Variants in NFKBIB observed in about 807,000 individuals in gnomAD.
NFKBIB encodes NFKB inhibitor beta, also known as NF-kappa-B inhibitor beta.
NFKBIB carries 16 observed loss-of-function variants against 32.1 expected under a neutral mutation model. The ratio of observed to expected loss-of-function variants is 0.50; its 90% confidence interval spans 0.34 to 0.76. NFKBIB has a LOEUF of 0.76. Among genes scored for constraint, NFKBIB ranks in the 30% least tolerant of loss-of-function variants. The probability of loss-of-function intolerance (pLI) is 0.01; values close to 1 mark genes in which losing one functional copy is unlikely to be tolerated. For synonymous variants in NFKBIB, 222 were observed against 219.5 expected, an observed-to-expected ratio of 1.01 and a Z score of -0.10; for missense variants, 437 against 514.9, an observed-to-expected ratio of 0.85 and a Z score of 1.46.
Position 38,905,210 on chromosome 19 carries a change from G to T in NFKBIB, c.294G>T (p.Leu98=). 1 of 1,593,686 alleles carries T rather than the reference G, an allele frequency of 6.3e-7. No homozygotes were observed. The highest frequency in any genetic ancestry group is 1.1e-5 in the South Asian group (1 of 87,948). Residue 98 remains leucine (L), a synonymous_variant, in exon 3 of 6, where the codon CTG becomes CTT. Coordinates refer to ENST00000313582, the MANE Select transcript of NFKBIB (RefSeq NM_002503.5). This position sits in a 1 kb window ranked among gnomAD's most constrained non-coding sequence, Gnocchi z 5.5. ...DLQNDLGQTA[L]HLAAILGETS... ...GTCCTCTGCTTCTGCAGACAGCCCT[G>T]CACCTGGCAGCCATCCTGGGGGAGA...
chr19:38,901,157 G>A (rs1218954772), intron 1 of NFKBIB, among the ~76,000 whole-genome samples: 1 of 152,206 alleles, frequency 6.6e-6, no homozygotes, highest in Non-Finnish European at 1.5e-5. Context: ...TGTATGCCCA[G>A]TGATGCAAGC....
chr19:38,907,936 G>T (rs1043903177), intron 5 of NFKBIB: 5 of 1,291,250 alleles, frequency 3.9e-6, no homozygotes, highest in Non-Finnish European at 4.9e-6. Flanking sequence ...GAACACAGCG[G>T]GGGTGGGTGG....
rs201937854 is a variant in NFKBIB at position 38,908,827 on chromosome 19, G to A, written c.1066G>A (p.Val356Met). ...SKPLPDDPRP[V>M] is the part of the protein sequence containing the mutation. ...ACCTCTTCCTGACGACCCCCGCCCC[G>A]TGTGATTTGTTTCATTGTTAATATA... The change falls in exon 6 of 6, where the codon GTG (valine) becomes ATG (methionine). Residue 356 changes from valine (V) to methionine (M), a missense_variant. Transcript: ENST00000313582. 2.1e-5 allele frequency: 34 copies of A among 1,609,006 alleles called. No individual in the cohort carries two copies. The highest frequency in any genetic ancestry group is 1.7e-4 in the Middle Eastern group (1 of 6,060).
At chr19:38,907,126 A>T in intron 3 of NFKBIB, 95 bp from the exon 4 acceptor site, 1 of 1,122,664 alleles carries the variant, frequency 8.9e-7, no homozygotes, top group Non-Finnish European at 1.3e-6. Flanking sequence ...AAACCTAATC[A>T]CCCTCACGCC....
rs1974076907 is a variant in NFKBIB at position 38,905,200 on chromosome 19, A to C, written c.286-2A>C. 6.2e-7 allele frequency: 1 copy of C among 1,600,632 alleles called. No individual in the cohort carries two copies. Among genetic ancestry groups the C allele is most frequent in the Non-Finnish European group, 8.5e-7 (1 of 1,173,024 alleles). ...CCTACCGCCTGTCCTCTGCTTCTGC[A>C]GACAGCCCTGCACCTGGCAGCCATC... On this transcript the variant is annotated splice_acceptor_variant, in intron 2 of 5. Transcript: ENST00000313582. LOFTEE classifies it high-confidence loss of function. This position sits in a 1 kb window ranked among gnomAD's most constrained non-coding sequence, Gnocchi z 5.5.
intron 5 of NFKBIB, 93 bp downstream of exon 5, chr19:38,907,752 G>T: frequency 6.8e-7 from 1 of 1,464,880 alleles, no homozygotes. Context: ...CACCGACCTT[G>T]GGCTGCTGTT....
Position 38,905,481 on chromosome 19 carries a change from G to A in NFKBIB, c.565G>A (p.Glu189Lys), listed in dbSNP as rs1350136227. 6.2e-7 allele frequency: 1 copy of A among 1,613,808 alleles called. No homozygotes were observed. Among genetic ancestry groups the A allele is most frequent in the Non-Finnish European group, 8.5e-7 (1 of 1,179,828 alleles). Reference protein sequence around the residue: ...LYPDSDLEKEEEESEEDWKLQ... With the variant: ...LYPDSDLEKEKEESEEDWKLQ... ...CCCCGATTCCGACTTGGAGAAGGAAGAAGAGGAGAGTGAGGAGGACTGGAA... is the reference window on the plus strand; with the variant it reads ...CCCCGATTCCGACTTGGAGAAGGAAAAAGAGGAGAGTGAGGAGGACTGGAA... Residue 189 changes from glutamate to lysine, a missense_variant, in exon 3 of 6, where the codon GAA (glutamate) becomes AAA (lysine). Coordinates refer to ENST00000313582, the MANE Select transcript of NFKBIB (RefSeq NM_002503.5). This position sits in a 1 kb window ranked among gnomAD's most constrained non-coding sequence, Gnocchi z 5.5.
In NFKBIB at chr19:38,900,218, G is replaced by A. The variant is rs1321409847; in HGVS notation, c.179+7G>A. 1.3e-6 allele frequency: 2 copies of A among 1,594,950 alleles called. No homozygotes were observed. The highest frequency in any genetic ancestry group is 1.8e-5 in the Admixed American group (1 of 55,928). ...TCACTGAGGATGGGGACACGTGAGT[G>A]AACCTTAGGCTGCCAAACGGAGCCC... On this transcript the variant is annotated splice_region_variant and intron_variant, in intron 1 of 5. Coordinates refer to ENST00000313582, the MANE Select transcript of NFKBIB (RefSeq NM_002503.5).
chr19:38,899,858 A>G (rs200368736), upstream of NFKBIB: 4 of 745,618 alleles, frequency 5.4e-6, no homozygotes, highest in Non-Finnish European at 6.4e-6. Flanking sequence ...CCTCCCGAAT[A>G]CTCTGATTGG....
chr19:38,902,853 A>T (rs1468503311), intron 1 of NFKBIB, among the ~76,000 whole-genome samples: 2 of 152,104 alleles, frequency 1.3e-5, no homozygotes, highest in African/African-American at 4.8e-5. Flanking sequence ...AGGCGGACAG[A>T]TCACAAGGTC....
intron 1 of NFKBIB, among the ~76,000 whole-genome samples, chr19:38,903,967 G>A (rs1974039198): frequency 6.6e-6 from 1 of 152,072 alleles, no homozygotes; most frequent in Non-Finnish European, 1.5e-5. Context: ...CTACTCGGGA[G>A]GCTGAGGCAG....
intron 1 of NFKBIB, 35 bp from the exon 2 acceptor site, chr19:38,904,980 G>C (rs1568414147): frequency 6.3e-7 from 1 of 1,594,108 alleles, no homozygotes; most frequent in Non-Finnish European, 8.6e-7. Flanking sequence ...AAGAGGACTT[G>C]AACTTTGCCC....
chr19:38,907,621 TGCAGCA>T lies in NFKBIB; in HGVS notation c.936_941del (p.Ser314_Ser315del). 1 of 1,610,884 alleles carries T rather than the reference TGCAGCA, an allele frequency of 6.2e-7. No homozygotes were observed. The highest frequency in any genetic ancestry group is 1.1e-5 in the South Asian group (1 of 90,804). On this transcript the variant is annotated inframe_deletion, in exon 5 of 6. Coordinates refer to ENST00000313582, the MANE Select transcript of NFKBIB (RefSeq NM_002503.5). ...GGGCGAGGACGAGAAATCCGGCCCC[TGCAGCA>T]GCAGTAGCGACAGCGACAGCGGAGA...
chr19:38,907,131 C>T, intron 3 of NFKBIB, 90 bp from the exon 4 acceptor site: 1 of 1,200,662 alleles, frequency 8.3e-7, no homozygotes, highest in East Asian at 2.4e-5. Flanking sequence ...TAATCACCCT[C>T]ACGCCACATG....
chr19:38,906,466 G>GTT (rs59286558), intron 3 of NFKBIB, among the ~76,000 whole-genome samples: 59 of 75,336 alleles, frequency 7.8e-4, no homozygotes, highest in African/African-American at 1.4e-3. Context: ...TTAATTTAAG[G>GTT]TTTTTTTTTT....
chr19:38,905,120 G>T lies in NFKBIB; in HGVS notation c.285G>T (p.Gln95His), dbSNP rs376344622. 1 of 1,614,032 alleles carries T rather than the reference G, an allele frequency of 6.2e-7. No individual in the cohort carries two copies. Among genetic ancestry groups the T allele is most frequent in the African/African-American group, 1.3e-5 (1 of 74,938 alleles). ...EYMDLQNDLG[Q>H]TALHLAAILG... The stretch of plus-strand genomic sequence containing the variant: ...TGGACCTGCAGAATGACCTAGGCCA[G>T]GTGAGCCACGAGGGATGGTGTAGGG... The change falls in exon 2 of 6, where the codon CAG becomes CAT. Residue 95 changes from glutamine to histidine, a missense_variant and splice_region_variant. Transcript: ENST00000313582. The surrounding 1 kb of genome is among the most constrained non-coding windows in gnomAD (Gnocchi z 5.5).
At chr19:38,903,179 T>C (rs1184956512) in intron 1 of NFKBIB, among the ~76,000 whole-genome samples, 1 of 152,224 alleles carries the variant, frequency 6.6e-6, no homozygotes, top group Admixed American at 6.5e-5. Context: ...CAGAAAAAGT[T>C]TGCTGACTCC....
At position 38,905,679 on chromosome 19, in the gene NFKBIB, T is replaced by G; in HGVS notation, c.619+144T>G. On this transcript the variant is annotated intron_variant, in intron 3 of 5. Coordinates refer to ENST00000313582, the MANE Select transcript of NFKBIB (RefSeq NM_002503.5). The surrounding 1 kb of genome is among the most constrained non-coding windows in gnomAD (Gnocchi z 5.5). ...AGCCCACACATCGGGACCAGGGACC[T>G]CCACTCAGGGCCCAGATGATTGAGA... is the stretch of plus-strand genomic sequence containing the variant. 1.5e-6 allele frequency: 1 copy of G among 646,288 alleles called. No homozygotes were observed. Among genetic ancestry groups the G allele is most frequent in the Non-Finnish European group, 2.6e-6 (1 of 381,616 alleles). 40.0% of individuals were successfully genotyped at this position (646,288 alleles called of 1,614,324 possible).
At position 38,905,471 on chromosome 19, in the gene NFKBIB, G is replaced by C. The variant is rs1974090911; in HGVS notation, c.555G>C (p.Leu185Phe). 6.2e-7 allele frequency: 1 copy of C among 1,613,822 alleles called. No individual in the cohort carries two copies. The highest frequency in any genetic ancestry group is 1.1e-5 in the South Asian group (1 of 91,084). ...TPVALYPDSD[L>F]EKEEEESEED... ...TCGCCTTGTACCCCGATTCCGACTTGGAGAAGGAAGAAGAGGAGAGTGAGG... is the reference window on the plus strand; with the variant it reads ...TCGCCTTGTACCCCGATTCCGACTTCGAGAAGGAAGAAGAGGAGAGTGAGG... Residue 185 changes from leucine (L) to phenylalanine (F), a missense_variant, in exon 3 of 6, where the codon TTG (leucine) becomes TTC (phenylalanine). Physicochemically the swap from Leu to Phe is conservative, Grantham distance 22. Coordinates refer to ENST00000313582, the MANE Select transcript of NFKBIB (RefSeq NM_002503.5). The surrounding 1 kb of genome is among the most constrained non-coding windows in gnomAD (Gnocchi z 5.5).
Sources: allele counts gnomAD v4.1 joint callset (sites outside exome capture counted in the v4.1 genomes callset), GRCh38; gene constraint gnomAD v4.1.1; non-coding constraint Gnocchi (gnomAD v3.1); transcripts MANE v1.5; gene names NCBI Gene and HGNC (gene_info 2026-07-23, HGNC 2026-07-21).